PCSK5: variants seen among roughly 807,000 people sequenced by gnomAD.
PCSK5 encodes proprotein convertase subtilisin/kexin type 5.
Under a neutral mutation model 233.2 loss-of-function variants are expected in PCSK5, and 129 were observed. The observed-to-expected ratio is 0.55, with a 90% CI of 0.48 to 0.64. The LOEUF (loss-of-function observed/expected upper bound fraction) is 0.64, where lower values mean the gene tolerates loss of function less well. Ranked by LOEUF, PCSK5 falls within the 30% of genes least tolerant of loss-of-function variation. The pLI is 0.00. For synonymous variants in PCSK5, 825 were observed against 879.2 expected (o/e 0.94, Z 1.09); for missense variants, 2,076 against 2,430.1 (o/e 0.85, Z 3.06).
intron 9 of PCSK5, among the ~76,000 whole-genome samples, chr9:76,108,628 C>G (rs1832078770): frequency 6.6e-6 from 1 of 152,180 alleles, no homozygotes. Flanking sequence ...TGGTGGGCAC[C>G]TGTAGTCCCA....
chr9:76,343,333 T>G (rs2803442), intron 35 of PCSK5, among the ~76,000 whole-genome samples: 24,261 of 134,080 alleles, frequency 0.18, 2,739 homozygotes, highest in Middle Eastern at 0.22. Context: ...CCTGGGTAAT[T>G]TGTGTGTGTG....
chr9:76,146,961 C>G (rs1180749113), intron 10 of PCSK5, among the ~76,000 whole-genome samples: 2 of 152,110 alleles, frequency 1.3e-5, no homozygotes, highest in African/African-American at 4.8e-5. Context: ...AATTTTGCCT[C>G]CCCTATAAAA....
At chr9:76,009,604 C>G (rs181513953) in intron 3 of PCSK5, among the ~76,000 whole-genome samples, 1 of 147,346 alleles carries the variant, frequency 6.8e-6, no homozygotes, top group African/African-American at 2.5e-5. Flanking sequence ...TCCAGCCTGG[C>G]GACAGAGCGA....
Position 76,067,988 on chromosome 9 carries a change from C to T in PCSK5, c.666C>T (p.Ala222=), listed in dbSNP as rs144640368. 256 of 1,613,918 alleles carry T rather than the reference C, an allele frequency of 1.6e-4. 1 individual carries two copies. The highest frequency in any genetic ancestry group is 3.5e-4 in the South Asian group (32 of 91,052). Reference sequence around the variant, plus strand: ...CTCGCTGTGCTGGAGAAGTGGCAGCCGCTGCAAACAATTCGCACTGCACAG... The same window carrying T: ...CTCGCTGTGCTGGAGAAGTGGCAGCTGCTGCAAACAATTCGCACTGCACAG... The part of the protein sequence containing the change: ...HGTRCAGEVA[A]AANNSHCTVG... The change falls in exon 6 of 38, where the codon GCC becomes GCT. Residue 222 remains alanine (A), a synonymous_variant. Transcript: ENST00000674117.
chr9:76,017,233 A>G (rs1827984771), intron 3 of PCSK5, among the ~76,000 whole-genome samples: 1 of 152,188 alleles, frequency 6.6e-6, no homozygotes, highest in African/African-American at 2.4e-5. Flanking sequence ...TGTAAAAAAT[A>G]ATTCAGGTCA....
intron 2 of PCSK5, among the ~76,000 whole-genome samples, chr9:75,960,039 C>T (rs978489714): frequency 6.6e-6 from 1 of 152,182 alleles, no homozygotes; most frequent in African/African-American, 2.4e-5. Flanking sequence ...ATGTGTCCAA[C>T]ACCAAAGTCC....
rs1822734585 is a variant in PCSK5 at position 76,159,060 on chromosome 9, A to G, written c.1508A>G (p.Asn503Ser). Residue 503 changes from asparagine (N) to serine (S), a missense_variant, in exon 12 of 38, where the codon AAC (asparagine) becomes AGC (serine). Transcript: ENST00000674117. ...TCGGATAACCCCAACCGCCATGTCA[A>G]CTACCTGGAGCACGTCGTTGTGCGC... ...GCSDNPNRHV[N>S]YLEHVVVRIT... The G allele has an allele frequency of 1.2e-6, 2 of 1,614,164 alleles. No homozygotes were observed. Among genetic ancestry groups the G allele is most frequent in the Non-Finnish European group, 1.7e-6 (2 of 1,180,016 alleles).
chr9:76,256,036 T>A (rs543060003), intron 24 of PCSK5, among the ~76,000 whole-genome samples: 12 of 152,320 alleles, frequency 7.9e-5, no homozygotes, highest in Non-Finnish European at 1.3e-4. Context: ...ACTATTTTCC[T>A]AAAGAACATA....
chr9:76,086,906 A>G (rs1325717237), intron 7 of PCSK5, among the ~76,000 whole-genome samples: 1 of 152,242 alleles, frequency 6.6e-6, no homozygotes, highest in Non-Finnish European at 1.5e-5. Flanking sequence ...GTATTATTTG[A>G]AGTTCCTGAA....
At chr9:76,338,025 G>A (rs1309220766) in intron 34 of PCSK5, among the ~76,000 whole-genome samples, 2 of 152,264 alleles carry the variant, frequency 1.3e-5, no homozygotes, top group East Asian at 1.9e-4. Flanking sequence ...TTCACAAATA[G>A]TAGGGGAGGG....
chr9:76,046,181 T>G (rs1587545855), intron 5 of PCSK5, among the ~76,000 whole-genome samples: 11 of 122,972 alleles, frequency 8.9e-5, no homozygotes, highest in South Asian at 8.7e-4. Context: ...TTTTTTTTTT[T>G]TTTTTTTTTT....
intron 10 of PCSK5, among the ~76,000 whole-genome samples, chr9:76,148,007 G>C (rs1396585705): frequency 6.6e-6 from 1 of 151,996 alleles, no homozygotes; most frequent in Non-Finnish European, 1.5e-5. Flanking sequence ...TTCCCTGCAA[G>C]TAGTCTGAAT....
chr9:76,067,288 T>C (rs1190446773), intron 5 of PCSK5, among the ~76,000 whole-genome samples: 3 of 152,178 alleles, frequency 2.0e-5, no homozygotes, highest in African/African-American at 4.8e-5. Flanking sequence ...CACATTTCTT[T>C]TAAAAAGTAA....
intron 20 of PCSK5, among the ~76,000 whole-genome samples, chr9:76,190,920 A>G (rs891227305): frequency 2.6e-5 from 4 of 152,214 alleles, no homozygotes; most frequent in Admixed American, 1.3e-4. Flanking sequence ...ATCTGCAGCC[A>G]GGTTTGAGAA....
intron 4 of PCSK5, among the ~76,000 whole-genome samples, chr9:76,025,017 A>T (rs1005951393): frequency 3.9e-5 from 6 of 152,054 alleles, no homozygotes; most frequent in African/African-American, 4.8e-5. Context: ...CATTAGATAC[A>T]CTCTGAAGCC....
At chr9:76,166,146 T>C (rs1371154247) in intron 12 of PCSK5, among the ~76,000 whole-genome samples, 1 of 152,134 alleles carries the variant, frequency 6.6e-6, no homozygotes, top group East Asian at 1.9e-4. Context: ...CAACCATTGG[T>C]GCCTGTTTTT....
At chr9:75,891,778 G>C (rs530323822) in intron 1 of PCSK5, among the ~76,000 whole-genome samples, 14 of 151,950 alleles carry the variant, frequency 9.2e-5, no homozygotes, top group Non-Finnish European at 1.6e-4. Flanking sequence ...GGGGGATAGG[G>C]GGTGAGCGCG....
At chr9:75,969,150 C>T (rs1384527402) in intron 2 of PCSK5, among the ~76,000 whole-genome samples, 1 of 152,146 alleles carries the variant, frequency 6.6e-6, no homozygotes, top group Non-Finnish European at 1.5e-5. Context: ...TTACAAACGA[C>T]AATGAATCAA....
chr9:76,123,833 T>A (rs1475523285), intron 9 of PCSK5, among the ~76,000 whole-genome samples: 1 of 152,240 alleles, frequency 6.6e-6, no homozygotes, highest in Non-Finnish European at 1.5e-5. Context: ...ACAAGTCTAG[T>A]GTAAAATTCT....
Sources: gnomAD v4.1 joint callset for allele counts (sites outside exome capture counted in the v4.1 genomes callset) on GRCh38, gnomAD v4.1.1 for gene constraint, MANE v1.5 for transcripts, NCBI Gene and HGNC (gene_info 2026-07-23, HGNC 2026-07-21) for gene names.